MINAR1: variants seen among roughly 807,000 people sequenced by gnomAD.
MINAR1 encodes major intrinsically disordered Notch2-binding receptor 1.
In MINAR1, 40 loss-of-function variants were observed where a neutral mutation model predicts 65.1. That is an observed-to-expected ratio of 0.61 (90% CI 0.48 to 0.80). The LOEUF (loss-of-function observed/expected upper bound fraction) is 0.80. Ranked by LOEUF, MINAR1 falls within the 30% of genes least tolerant of loss-of-function variation. The pLI, the probability that MINAR1 is intolerant of heterozygous loss-of-function variation, is 0.00. For synonymous variants in MINAR1, 482 were observed against 449.1 expected (o/e 1.07, Z -0.93); for missense variants, 1,128 against 1,148.0 (o/e 0.98, Z 0.25).
upstream of MINAR1, among the ~76,000 whole-genome samples, chr15:79,429,891 AG>A (rs1233139939): frequency 6.6e-6 from 1 of 152,100 alleles, no homozygotes; most frequent in Non-Finnish European, 1.5e-5. Context: ...CTTCCCAGAG[AG>A]GGGGGCATAG....
chr15:79,457,953 G>T lies in MINAR1; in HGVS notation c.1806G>T (p.Arg602Ser), dbSNP rs1595948623. Residue 602 changes from arginine to serine, a missense_variant, in exon 2 of 4, where the codon AGG becomes AGT. By Grantham distance (110) the Arg-to-Ser change is moderately radical. Coordinates refer to ENST00000305428, the MANE Select transcript of MINAR1 (RefSeq NM_015206.3). ...CCAGTGTGTGCAAACTGGTGCTCAG[G>T]ATTGGCGAAATTGAACGGAAGCTGG... Reference protein sequence around the residue: ...LKTSVCKLVLRIGEIERKLES... With the variant: ...LKTSVCKLVLSIGEIERKLES... 1.2e-6 allele frequency: 2 copies of T among 1,613,994 alleles called. No homozygotes were observed. The highest frequency in any genetic ancestry group is 1.7e-5 in the Admixed American group (1 of 60,002).
chr15:79,448,651 G>A (rs559557173), intron 1 of MINAR1, among the ~76,000 whole-genome samples: 59 of 152,290 alleles, frequency 3.9e-4, no homozygotes, highest in African/African-American at 1.4e-3. Flanking sequence ...CTTTATTTCA[G>A]TTTTTGAAAG....
At chr15:79,433,232 A>C (rs1037560180) in intron 1 of MINAR1, among the ~76,000 whole-genome samples, 1 of 151,968 alleles carries the variant, frequency 6.6e-6, no homozygotes, top group African/African-American at 2.4e-5. Context: ...AATCCATCAG[A>C]GTAGTCATTT....
chr15:79,462,961 C>G, intron 2 of MINAR1, 106 bp from the exon 3 acceptor site: 1 of 1,294,592 alleles, frequency 7.7e-7, no homozygotes, highest in Non-Finnish European at 1.1e-6. Context: ...AGTAACTGCA[C>G]TTTGCTACCT....
intron 1 of MINAR1, among the ~76,000 whole-genome samples, chr15:79,436,574 C>A (rs1023200588): frequency 1.3e-5 from 2 of 152,130 alleles, no homozygotes; most frequent in Non-Finnish European, 2.9e-5. Context: ...GCTTTGTGAG[C>A]CAAGAATGAA....
chr15:79,415,841 G>A, the MINAR1 span: 2 of 152,202 alleles, frequency 1.3e-5, no homozygotes, highest in Non-Finnish European at 2.9e-5. Flanking sequence ...TAGAGACCTG[G>A]AGATAGCTCA....
At chr15:79,431,157 G>A (rs1894426508), upstream of MINAR1, among the ~76,000 whole-genome samples, 1 of 145,980 alleles carries the variant, frequency 6.9e-6, no homozygotes, top group Admixed American at 6.8e-5. Context: ...TAGCAGCTCT[G>A]TTCGGTAACT....
At chr15:79,418,902 C>T in the MINAR1 span, 4 of 152,338 alleles carry the variant, frequency 2.6e-5, no homozygotes, top group South Asian at 2.1e-4. Context: ...GTGATTCCTT[C>T]ATCTTCTCCC....
intron 2 of MINAR1, among the ~76,000 whole-genome samples, chr15:79,462,817 G>A (rs1426604452): frequency 2.0e-5 from 3 of 152,162 alleles, no homozygotes; most frequent in East Asian, 3.9e-4. Flanking sequence ...GGTAGTGATG[G>A]CCTAAAGATT....
Position 79,457,983 on chromosome 15 carries a change from C to A in MINAR1, c.1836C>A (p.Ser612=). The A allele has an allele frequency of 6.2e-7, 1 of 1,614,076 alleles. No individual in the cohort carries two copies. The highest frequency in any genetic ancestry group is 8.5e-7 in the Non-Finnish European group (1 of 1,179,988). Residue 612 remains serine (S), a synonymous_variant, in exon 2 of 4, where the codon TCC becomes TCA. Coordinates refer to ENST00000305428, the MANE Select transcript of MINAR1 (RefSeq NM_015206.3). ...RIGEIERKLE[S]LSGVRDEISQ... Reference sequence around the variant, plus strand: ...GCGAAATTGAACGGAAGCTGGAATCCCTGTCGGGTGTCCGTGATGAAATCT... The same window carrying A: ...GCGAAATTGAACGGAAGCTGGAATCACTGTCGGGTGTCCGTGATGAAATCT...
intron 1 of MINAR1, among the ~76,000 whole-genome samples, chr15:79,434,026 G>A (rs1019537155): frequency 9.2e-5 from 14 of 152,284 alleles, no homozygotes; most frequent in African/African-American, 3.4e-4. Context: ...ATTTTCTCAG[G>A]CTACTGGAGC....
rs749272522 is a variant in MINAR1 at position 79,457,301 on chromosome 15, A to G, written c.1154A>G (p.Asn385Ser). 13 of 1,614,076 alleles carry G rather than the reference A, an allele frequency of 8.1e-6. No individual in the cohort carries two copies. In the Admixed American group the frequency reaches 1.7e-4, roughly 21 times the overall value. The change falls in exon 2 of 4, where the codon AAT (asparagine) becomes AGT (serine). Residue 385 changes from asparagine (N) to serine (S), a missense_variant. Transcript: ENST00000305428. ...EVPDFERSFF[N>S]RNPSEEKLHY... is the part of the protein sequence containing the mutation. Reference sequence around the variant, plus strand: ...CCTGACTTTGAACGGTCCTTTTTCAATAGAAATCCCTCCGAGGAGAAGCTA... The same window carrying G: ...CCTGACTTTGAACGGTCCTTTTTCAGTAGAAATCCCTCCGAGGAGAAGCTA...
intron 1 of MINAR1, among the ~76,000 whole-genome samples, chr15:79,449,934 T>G (rs1895136697): frequency 6.6e-6 from 1 of 152,140 alleles, no homozygotes; most frequent in Non-Finnish European, 1.5e-5. Context: ...CCCTCCTCTT[T>G]AGTCTTTGCG....
upstream of MINAR1, among the ~76,000 whole-genome samples, chr15:79,428,636 ACT>A (rs1329782837): frequency 1.3e-5 from 2 of 152,140 alleles, no homozygotes; most frequent in South Asian, 2.1e-4. Flanking sequence ...CTTCCCAAAA[ACT>A]CTATGAAATC....
the MINAR1 span, chr15:79,423,168 CTA>C: frequency 2.0e-5 from 3 of 152,078 alleles, no homozygotes; most frequent in African/African-American, 7.2e-5. Context: ...GCATGTGACT[CTA>C]TATGTATCTC....
rs374647640 is a variant in MINAR1 at position 79,457,853 on chromosome 15, A to C, written c.1706A>C (p.Asn569Thr). Residue 569 changes from asparagine to threonine, a missense_variant, in exon 2 of 4, where the codon AAT becomes ACT. By Grantham distance (65) the Asn-to-Thr change is moderately conservative (BLOSUM62 0). Transcript: ENST00000305428. ...SPEHNLTKIA[N>T]GVPNSKGDKG... ...GAGCACAACTTAACCAAAATTGCCA[A>C]TGGGGTCCCCAACAGCAAGGGAGAC... is the stretch of plus-strand genomic sequence containing the variant. 1 of 1,614,094 alleles carries C rather than the reference A, an allele frequency of 6.2e-7. No individual in the cohort carries two copies. The highest frequency in any genetic ancestry group is 8.5e-7 in the Non-Finnish European group (1 of 1,180,028).
At chr15:79,468,106 T>G in intron 3 of MINAR1, 81 bp from the exon 4 acceptor site, 1 of 1,138,688 alleles carries the variant, frequency 8.8e-7, no homozygotes, top group Non-Finnish European at 1.3e-6. Context: ...CTTAAGTGCT[T>G]CAGGAGTGAT....
rs1407249086 is a variant in MINAR1 at position 79,463,295 on chromosome 15, GGCAA to G, written c.2530_2533del (p.Lys844Ter). On this transcript the variant is annotated frameshift_variant, in exon 3 of 4. Coordinates refer to ENST00000305428, the MANE Select transcript of MINAR1 (RefSeq NM_015206.3). LOFTEE classifies it high-confidence loss of function. ...GTATGCACGGAATGCGGGCGACAAG[GGCAA>G]GCTGACAGCCCTGGACCTGCAGGTG... 2 of 1,613,988 alleles carry G rather than the reference GGCAA, an allele frequency of 1.2e-6. No individual in the cohort carries two copies. The highest frequency in any genetic ancestry group is 1.7e-6 in the Non-Finnish European group (2 of 1,179,900).
the MINAR1 span, chr15:79,413,662 A>T: frequency 6.6e-6 from 1 of 152,238 alleles, no homozygotes; most frequent in African/African-American, 2.4e-5. Flanking sequence ...GAGCATGGGA[A>T]TAAACTTTAC....
Sources: allele counts gnomAD v4.1 joint callset (sites outside exome capture counted in the v4.1 genomes callset), GRCh38; gene constraint gnomAD v4.1.1; transcripts MANE v1.5; gene names NCBI Gene and HGNC (gene_info 2026-07-23, HGNC 2026-07-21).